The following HHIP variants were observed in gnomAD, a reference collection of about 807,000 sequenced individuals.
The protein encoded by HHIP is hedgehog interacting protein.
In HHIP, 12 loss-of-function variants were observed where a neutral mutation model predicts 74.0. The ratio of observed to expected loss-of-function variants is 0.16; its 90% CI spans 0.10 to 0.26. The LOEUF (loss-of-function observed/expected upper bound fraction) is 0.26. Ranked by LOEUF, HHIP falls within the 10% of genes least tolerant of loss-of-function variation. The probability of loss-of-function intolerance (pLI) is 1.00; values close to 1 mark genes in which losing one functional copy is unlikely to be tolerated. For missense variants in HHIP, 788 were observed against 845.0 expected, an observed-to-expected ratio of 0.93 and a Z score of 0.84; for synonymous variants, 309 against 311.6, an observed-to-expected ratio of 0.99 and a Z score of 0.09.
At chr4:144,662,219 C>T (rs1329987379) in intron 4 of HHIP, among the ~76,000 whole-genome samples, 1 of 152,020 alleles carries the variant, frequency 6.6e-6, no homozygotes, top group Non-Finnish European at 1.5e-5. Flanking sequence ...TTTTTAAGGC[C>T]AAGAGTTGGA....
intron 8 of HHIP, among the ~76,000 whole-genome samples, chr4:144,713,679 A>G (rs2126663287): frequency 6.6e-6 from 1 of 152,332 alleles, no homozygotes; most frequent in South Asian, 2.1e-4. Flanking sequence ...GAACATTAAA[A>G]TATTTTAAAT....
At chr4:144,701,887 A>G (rs1729994540) in intron 4 of HHIP, among the ~76,000 whole-genome samples, 1 of 152,254 alleles carries the variant, frequency 6.6e-6, no homozygotes, top group South Asian at 2.1e-4. Context: ...ATTTAAAGCA[A>G]AAACAGAAAC....
intron 4 of HHIP, among the ~76,000 whole-genome samples, chr4:144,669,346 A>G (rs955083728): frequency 1.4e-4 from 21 of 152,202 alleles, no homozygotes; most frequent in Non-Finnish European, 2.5e-4. Context: ...TCTATCCAGC[A>G]TGACCTGTGA....
At chr4:144,710,988 C>T (rs1730281047) in intron 7 of HHIP, among the ~76,000 whole-genome samples, 1 of 152,152 alleles carries the variant, frequency 6.6e-6, no homozygotes, top group South Asian at 2.1e-4. Flanking sequence ...AACCTTGAAC[C>T]CCTCTTATAT....
At chr4:144,694,155 G>A (rs577942281) in intron 4 of HHIP, among the ~76,000 whole-genome samples, 3 of 151,922 alleles carry the variant, frequency 2.0e-5, no homozygotes, top group South Asian at 2.1e-4. Context: ...AAGTTTAATT[G>A]ACATATAAAT....
intron 10 of HHIP, among the ~76,000 whole-genome samples, chr4:144,718,487 T>A (rs1235501389): frequency 2.0e-5 from 3 of 152,210 alleles, no homozygotes; most frequent in African/African-American, 7.2e-5. Context: ...AAGAAGCTAT[T>A]GCAGGGCATT....
At chr4:144,696,315 T>C (rs1375031670) in intron 4 of HHIP, among the ~76,000 whole-genome samples, 1 of 151,796 alleles carries the variant, frequency 6.6e-6, no homozygotes, top group Admixed American at 6.6e-5. Flanking sequence ...GGCACAACAC[T>C]ACCTTAAAAC....
intron 1 of HHIP, among the ~76,000 whole-genome samples, chr4:144,649,452 CTATTT>C (rs1319069833): frequency 6.6e-6 from 1 of 151,908 alleles, no homozygotes; most frequent in Non-Finnish European, 1.5e-5. Context: ...GAATTATGCT[CTATTT>C]TAATTTTTTG....
intron 1 of HHIP, among the ~76,000 whole-genome samples, chr4:144,649,041 G>A (rs1728348111): frequency 6.6e-6 from 1 of 152,156 alleles, no homozygotes; most frequent in Admixed American, 6.5e-5. Context: ...CTATAGCTAT[G>A]CATATGCATT....
chr4:144,682,153 G>T (rs887820890), intron 4 of HHIP, among the ~76,000 whole-genome samples: 1 of 152,194 alleles, frequency 6.6e-6, no homozygotes, highest in Non-Finnish European at 1.5e-5. Context: ...AAATATGGGG[G>T]ACATAGAAAG....
At chr4:144,662,710 C>A (rs57760028) in intron 4 of HHIP, among the ~76,000 whole-genome samples, 3,978 of 152,160 alleles carry the variant, frequency 0.026, 176 homozygotes, top group African/African-American at 0.091. Flanking sequence ...TGTGTGTGTG[C>A]ATGTGCACAT....
At chr4:144,691,154 T>C (rs957303085) in intron 4 of HHIP, among the ~76,000 whole-genome samples, 14 of 152,184 alleles carry the variant, frequency 9.2e-5, no homozygotes, top group Admixed American at 9.2e-4. Flanking sequence ...ATTGAAAGAT[T>C]GCCAACTTTC....
At chr4:144,651,549 G>A (rs1695096547) in intron 1 of HHIP, among the ~76,000 whole-genome samples, 1 of 151,974 alleles carries the variant, frequency 6.6e-6, no homozygotes, top group South Asian at 2.1e-4. Flanking sequence ...TTGGTTGACA[G>A]TTCTAAAGAA....
chr4:144,683,576 T>C (rs184493956), intron 4 of HHIP, among the ~76,000 whole-genome samples: 2 of 152,364 alleles, frequency 1.3e-5, no homozygotes, highest in East Asian at 3.9e-4. Context: ...ATGTGGATAT[T>C]ATTTAGCTTT....
In HHIP at chr4:144,739,320, T is replaced by C. The variant is rs574995151; in HGVS notation, c.*1363T>C. ...AACAAAATATAAGGCCTCTTTGCAC[T>C]AGTGAAAAAACACGTCTACTCATGA... On this transcript the variant is annotated 3_prime_UTR_variant, in exon 13 of 13. Coordinates refer to ENST00000296575, the MANE Select transcript of HHIP (RefSeq NM_022475.3). 1 of 152,196 alleles carries C rather than the reference T, an allele frequency of 6.6e-6. No individual in the cohort carries two copies. Among genetic ancestry groups the C allele is most frequent in the Admixed American group, 6.5e-5 (1 of 15,278 alleles). 9.4% of individuals were successfully genotyped at this position (152,196 alleles called of 1,614,324 possible).
intron 4 of HHIP, among the ~76,000 whole-genome samples, chr4:144,665,961 A>G (rs974381770): frequency 6.6e-6 from 1 of 152,178 alleles, no homozygotes; most frequent in Non-Finnish European, 1.5e-5. Flanking sequence ...GAGCAATCTC[A>G]TGGTAATCAC....
chr4:144,682,338 A>G (rs1729369310), intron 4 of HHIP, among the ~76,000 whole-genome samples: 1 of 152,256 alleles, frequency 6.6e-6, no homozygotes, highest in Non-Finnish European at 1.5e-5. Context: ...ACCAAAGGAA[A>G]TGCAGTGTTT....
At chr4:144,684,749 G>A (rs1166103211) in intron 4 of HHIP, among the ~76,000 whole-genome samples, 1 of 151,998 alleles carries the variant, frequency 6.6e-6, no homozygotes, top group Non-Finnish European at 1.5e-5. Context: ...TCATTATAAG[G>A]AGCCATTTTT....
intron 11 of HHIP, among the ~76,000 whole-genome samples, chr4:144,728,952 G>A (rs1232303831): frequency 2.0e-5 from 3 of 152,118 alleles, no homozygotes; most frequent in Non-Finnish European, 4.4e-5. Flanking sequence ...TCAGAATACA[G>A]CATTCTACTC....
Sources: allele counts gnomAD v4.1 joint callset (sites outside exome capture counted in the v4.1 genomes callset), GRCh38; gene constraint gnomAD v4.1.1; transcripts MANE v1.5; gene names NCBI Gene and HGNC (gene_info 2026-07-23, HGNC 2026-07-21).